ILKAP: variants seen among roughly 807,000 people sequenced by gnomAD.
ILKAP encodes ILK associated serine/threonine phosphatase.
ILKAP carries 11 observed loss-of-function variants against 49.1 expected under a neutral mutation model. The observed-to-expected ratio is 0.22, with a 90% CI of 0.14 to 0.37. The LOEUF (loss-of-function observed/expected upper bound fraction) is 0.37. Ranked by LOEUF, ILKAP falls within the 10% of genes least tolerant of loss-of-function variation. The pLI, the probability that ILKAP is intolerant of heterozygous loss-of-function variation, is 1.00. For missense variants in ILKAP, 363 were observed against 510.8 expected (o/e 0.71, Z 2.79); for synonymous variants, 186 against 192.8 (o/e 0.96, Z 0.29).
At chr2:238,196,497 GATTAC>G (rs1000252295) in intron 1 of ILKAP, among the ~76,000 whole-genome samples, 1 of 152,180 alleles carries the variant, frequency 6.6e-6, no homozygotes, top group Non-Finnish European at 1.5e-5. Flanking sequence ...AAAGTGCTGG[GATTAC>G]AGGTATGAGC....
At chr2:238,190,877 TAAAAAAAAAAAAAAAAAAA>T (rs57511265) in intron 3 of ILKAP, among the ~76,000 whole-genome samples, 2 of 95,130 alleles carry the variant, frequency 2.1e-5, no homozygotes, top group African/African-American at 4.3e-5. Context: ...CGTTTCTCTT[TAAAAAAAAAAAAAAAAAAA>T]AAAAAAAAAG....
intron 9 of ILKAP, among the ~76,000 whole-genome samples, chr2:238,174,256 G>A (rs759023193): frequency 6.6e-6 from 1 of 152,158 alleles, no homozygotes; most frequent in East Asian, 1.9e-4. Context: ...GGGATATGGA[G>A]GAGATGGGGC....
intron 4 of ILKAP, among the ~76,000 whole-genome samples, chr2:238,189,051 G>T (rs980488224): frequency 6.6e-6 from 1 of 151,910 alleles, no homozygotes; most frequent in African/African-American, 2.4e-5. Flanking sequence ...AGGCACGGTT[G>T]CTCACGCCTG....
At position 238,175,054 on chromosome 2, in the gene ILKAP, G is replaced by A. The variant is rs188055205; in HGVS notation, c.837-1401C>T. 3.7e-3 allele frequency among the ~76,000 whole-genome samples: 564 copies of A among 152,232 alleles called. 8 individuals are homozygous for A. Among genetic ancestry groups the A allele is most frequent in the Non-Finnish European group, 9.1e-4 (62 of 68,008 alleles). On this transcript the variant is annotated intron_variant, in intron 9 of 11. Transcript: ENST00000254654. ...TACTGCACAACACAGTACAGACAAT[G>A]TGAAACAATCTCTAAGTCTAAAGAA...
intron 9 of ILKAP, among the ~76,000 whole-genome samples, chr2:238,180,156 A>G (rs1359993984): frequency 6.6e-6 from 1 of 151,430 alleles, no homozygotes; most frequent in African/African-American, 2.4e-5. Context: ...ACAGATCAAG[A>G]TTCTCTCTCT....
At chr2:238,179,974 G>A (rs1401221407) in intron 9 of ILKAP, among the ~76,000 whole-genome samples, 1 of 151,956 alleles carries the variant, frequency 6.6e-6, no homozygotes, top group Non-Finnish European at 1.5e-5. Context: ...ACTTAGCTCA[G>A]CCTGGAAAAC....
intron 1 of ILKAP, among the ~76,000 whole-genome samples, chr2:238,198,417 T>G (rs1427010255): frequency 6.8e-6 from 1 of 147,454 alleles, no homozygotes; most frequent in East Asian, 1.9e-4. Context: ...TTTTTAACTT[T>G]TTGTAGAGAC....
At chr2:238,173,149 C>T (rs531083762) in intron 10 of ILKAP, among the ~76,000 whole-genome samples, 8 of 152,320 alleles carry the variant, frequency 5.3e-5, no homozygotes, top group Non-Finnish European at 1.0e-4. Flanking sequence ...CCTGCTATCA[C>T]TTTCCCACCA....
chr2:238,177,980 G>C (rs1476534075), intron 9 of ILKAP, among the ~76,000 whole-genome samples: 4 of 151,722 alleles, frequency 2.6e-5, no homozygotes, highest in Non-Finnish European at 4.4e-5. Flanking sequence ...TTTATAAAGG[G>C]AAAAAAGCCC....
At chr2:238,201,984 G>A (rs1486447160) in intron 1 of ILKAP, among the ~76,000 whole-genome samples, 4 of 152,188 alleles carry the variant, frequency 2.6e-5, no homozygotes, top group African/African-American at 9.7e-5. Context: ...CAGCAATTTG[G>A]GAGGCCGAGG....
At chr2:238,171,726 G>A (rs1291241542) in intron 10 of ILKAP, among the ~76,000 whole-genome samples, 1 of 152,178 alleles carries the variant, frequency 6.6e-6, no homozygotes, top group East Asian at 1.9e-4. Context: ...ACATAAAGCT[G>A]AGAATGAGCC....
At chr2:238,172,125 C>A (rs1352850256) in intron 10 of ILKAP, among the ~76,000 whole-genome samples, 1 of 152,150 alleles carries the variant, frequency 6.6e-6, no homozygotes. Context: ...TGATCTCGCT[C>A]ACTGTAACCT....
intron 9 of ILKAP, among the ~76,000 whole-genome samples, chr2:238,180,510 A>C (rs2880131): frequency 0.23 from 35,341 of 152,200 alleles, 4,404 homozygotes; most frequent in East Asian, 0.48. Context: ...GTAGATTTGG[A>C]AATGTTTTAC....
At chr2:238,198,396 G>A (rs951394651) in intron 1 of ILKAP, among the ~76,000 whole-genome samples, 1 of 151,274 alleles carries the variant, frequency 6.6e-6, no homozygotes, top group African/African-American at 2.5e-5. Flanking sequence ...ACACCACCAT[G>A]CCCAGCTAAT....
At chr2:238,194,447 T>C (rs1694265751) in intron 2 of ILKAP, 116 bp from the exon 3 acceptor site, 4 of 885,956 alleles carry the variant, frequency 4.5e-6, no homozygotes, top group Non-Finnish European at 5.5e-6. Context: ...AAACTTTGCG[T>C]CAATCCAGTG....
chr2:238,197,538 G>A (rs1367588571), intron 1 of ILKAP, among the ~76,000 whole-genome samples: 4 of 152,134 alleles, frequency 2.6e-5, no homozygotes, highest in Non-Finnish European at 4.4e-5. Context: ...CACTGTACAA[G>A]GGAGGAAGTC....
At chr2:238,184,864 T>C (rs1210499855) in intron 6 of ILKAP, among the ~76,000 whole-genome samples, 2 of 152,160 alleles carry the variant, frequency 1.3e-5, no homozygotes, top group African/African-American at 4.8e-5. Context: ...GAACAATCTC[T>C]GTTTCTTTCC....
chr2:238,189,221 G>A (rs996095948), intron 4 of ILKAP, among the ~76,000 whole-genome samples: 8 of 152,122 alleles, frequency 5.3e-5, no homozygotes, highest in African/African-American at 1.9e-4. Context: ...GGGAGGCTGA[G>A]GTAGAATGGT....
chr2:238,183,969 G>C, intron 7 of ILKAP, 51 bp downstream of exon 7: 3 of 1,204,404 alleles, frequency 2.5e-6, no homozygotes, highest in Non-Finnish European at 3.7e-6. Context: ...AATGCATTTA[G>C]GAAAACACCA....
Sources: gnomAD v4.1 joint callset for allele counts (sites outside exome capture counted in the v4.1 genomes callset) on GRCh38, gnomAD v4.1.1 for gene constraint, MANE v1.5 for transcripts, NCBI Gene and HGNC (gene_info 2026-07-23, HGNC 2026-07-21) for gene names.